RANBP2: variants seen among roughly 807,000 people sequenced by gnomAD.
RANBP2 encodes E3 SUMO-protein ligase RanBP2.
Under a neutral mutation model 303.6 loss-of-function variants are expected in RANBP2, and 57 were observed. The observed-to-expected ratio is 0.19, with a 90% CI of 0.15 to 0.23. The LOEUF (loss-of-function observed/expected upper bound fraction) is 0.23. Among genes scored for constraint, RANBP2 ranks in the 10% least tolerant of loss-of-function variants. The pLI is 1.00. For missense variants in RANBP2, 3,138 were observed against 3,780.8 expected (o/e 0.83, Z 4.46); for synonymous variants, 1,167 against 1,301.5 (o/e 0.90, Z 2.23).
the RANBP2 span, among the ~76,000 whole-genome samples, chr2:109,050,270 T>C: frequency 6.6e-6 from 1 of 152,186 alleles, no homozygotes; most frequent in African/African-American, 2.4e-5. Context: ...ACTTTTTTTT[T>C]TTAAACAGGG....
At chr2:109,607,633 A>G in the RANBP2 span, among the ~76,000 whole-genome samples, 1 of 152,242 alleles carries the variant, frequency 6.6e-6, no homozygotes, top group Non-Finnish European at 1.5e-5. Flanking sequence ...GTTATTAATT[A>G]CATTTTATTT....
the RANBP2 span, among the ~76,000 whole-genome samples, chr2:109,225,034 A>C: frequency 1.3e-5 from 2 of 152,284 alleles, no homozygotes; most frequent in Middle Eastern, 3.4e-3. Context: ...GGAAGAAGGA[A>C]GTGACTGAGA....
the RANBP2 span, among the ~76,000 whole-genome samples, chr2:109,684,369 T>C: frequency 6.6e-6 from 1 of 150,678 alleles, no homozygotes; most frequent in Non-Finnish European, 1.5e-5. Flanking sequence ...GTCTCCTGAG[T>C]AGTTGGGATT....
At chr2:109,697,654 T>C in the RANBP2 span, among the ~76,000 whole-genome samples, 1 of 152,202 alleles carries the variant, frequency 6.6e-6, no homozygotes, top group Admixed American at 6.5e-5. Context: ...ATGGTTTATA[T>C]AGACAATCAT....
the RANBP2 span, among the ~76,000 whole-genome samples, chr2:108,960,651 A>G: frequency 2.0e-5 from 3 of 152,230 alleles, no homozygotes; most frequent in Non-Finnish European, 2.9e-5. Flanking sequence ...ATTGTAAAGA[A>G]GTTTTCAAAC....
the RANBP2 span, chr2:109,545,053 C>T: frequency 1.0e-6 from 1 of 985,284 alleles, no homozygotes; most frequent in Non-Finnish European, 1.2e-6. Context: ...GTTATGTTTT[C>T]CTATTTTAAA....
chr2:109,351,175 A>G, the RANBP2 span, among the ~76,000 whole-genome samples: 2 of 152,252 alleles, frequency 1.3e-5, no homozygotes, highest in Non-Finnish European at 2.9e-5. Context: ...ACAGGCAGGA[A>G]GAGCTGTGGG....
At chr2:109,766,409 A>G in the RANBP2 span, among the ~76,000 whole-genome samples, 1 of 149,996 alleles carries the variant, frequency 6.7e-6, no homozygotes, top group Non-Finnish European at 1.5e-5. Flanking sequence ...GAACTTGGGG[A>G]CTCCAGCTGG....
At chr2:109,217,358 A>G in the RANBP2 span, among the ~76,000 whole-genome samples, 1 of 152,220 alleles carries the variant, frequency 6.6e-6, no homozygotes, top group African/African-American at 2.4e-5. Context: ...CACTTACCAT[A>G]TCGTGAATGA....
At chr2:109,613,562 G>A in the RANBP2 span, 255 of 252,520 alleles carry the variant, frequency 1.0e-3, 1 homozygote, top group Admixed American at 1.4e-3. Flanking sequence ...CCACCGTCCC[G>A]ACGCTGGCGC....
the RANBP2 span, chr2:109,614,940 G>C: frequency 4.0e-6 from 6 of 1,514,670 alleles, no homozygotes; most frequent in Non-Finnish European, 5.3e-6. Context: ...CCTGAGCGCC[G>C]GGGCTCGCAG....
chr2:109,239,499 T>C, the RANBP2 span, among the ~76,000 whole-genome samples: 1 of 152,296 alleles, frequency 6.6e-6, no homozygotes, highest in Admixed American at 6.5e-5. Flanking sequence ...TACAATATTC[T>C]GAAGTGATTT....
chr2:109,642,657 A>T, the RANBP2 span, among the ~76,000 whole-genome samples: 1 of 51,060 alleles, frequency 2.0e-5, no homozygotes, highest in Non-Finnish European at 5.5e-5. Context: ...CATCTCAAAT[A>T]AAAAAAAAAA....
the RANBP2 span, among the ~76,000 whole-genome samples, chr2:109,471,485 C>T: frequency 2.0e-5 from 3 of 152,112 alleles, no homozygotes; most frequent in Non-Finnish European, 2.9e-5. Flanking sequence ...TGATCTAGTC[C>T]CCTCCCTCCA....
the RANBP2 span, among the ~76,000 whole-genome samples, chr2:108,973,905 T>A: frequency 1.3e-5 from 2 of 152,334 alleles, no homozygotes; most frequent in South Asian, 4.1e-4. Context: ...ACAAGGCTCT[T>A]ACCCATTTTA....
At chr2:108,994,749 G>T in the RANBP2 span, among the ~76,000 whole-genome samples, 1 of 149,136 alleles carries the variant, frequency 6.7e-6, no homozygotes, top group South Asian at 2.1e-4. Context: ...AAGCAGGGAA[G>T]TATGGGTCCA....
At chr2:108,740,236 TTATC>T (rs1344265057) in intron 6 of RANBP2, among the ~76,000 whole-genome samples, 1 of 152,194 alleles carries the variant, frequency 6.6e-6, no homozygotes, top group Non-Finnish European at 1.5e-5. Context: ...GATCTTATAT[TTATC>T]CTGTGATTGG....
chr2:109,032,332 A>AG, the RANBP2 span, among the ~76,000 whole-genome samples: 2 of 152,120 alleles, frequency 1.3e-5, no homozygotes, highest in Non-Finnish European at 2.9e-5. Context: ...TTTTGCAGGA[A>AG]GGTGAAATAA....
chr2:109,475,871 T>C, the RANBP2 span, among the ~76,000 whole-genome samples: 1 of 152,206 alleles, frequency 6.6e-6, no homozygotes, highest in African/African-American at 2.4e-5. Context: ...ATTGATTACC[T>C]TAAGCAACTC....
Sources: gnomAD v4.1 joint callset for allele counts (sites outside exome capture counted in the v4.1 genomes callset) on GRCh38, gnomAD v4.1.1 for gene constraint, MANE v1.5 for transcripts, NCBI Gene and HGNC (gene_info 2026-07-23, HGNC 2026-07-21) for gene names.